The following ZDHHC14 variants were observed in gnomAD, a reference collection of about 807,000 sequenced individuals.
The protein encoded by ZDHHC14 is palmitoyltransferase ZDHHC14.
ZDHHC14 carries 16 observed loss-of-function variants against 47.7 expected under a neutral mutation model. That is an observed-to-expected ratio of 0.34 (90% CI 0.23 to 0.51). The LOEUF (loss-of-function observed/expected upper bound fraction) is 0.51, where lower values mean the gene tolerates loss of function less well. ZDHHC14 is among the 20% of genes least tolerant of loss of function. ZDHHC14 has a pLI of 0.97. For missense variants in ZDHHC14, 515 were observed against 662.5 expected (o/e 0.78, Z 2.44); for synonymous variants, 293 against 278.9 (o/e 1.05, Z -0.50).
intron 1 of ZDHHC14, among the ~76,000 whole-genome samples, chr6:157,403,788 G>T (rs1299254777): frequency 6.6e-6 from 1 of 152,198 alleles, no homozygotes; most frequent in Admixed American, 6.5e-5. Flanking sequence ...TAACATAGAC[G>T]CTGCCACCCA....
At chr6:157,632,769 TGA>T in intron 4 of ZDHHC14, 63 bp from the exon 5 acceptor site, 1 of 1,443,780 alleles carries the variant, frequency 6.9e-7, no homozygotes, top group Non-Finnish European at 9.8e-7. Context: ...TTTTTGTAGA[TGA>T]GAGAGCATTC....
chr6:157,382,293 C>A (rs771694281), intron 1 of ZDHHC14, 27 bp downstream of exon 1: 2 of 1,609,638 alleles, frequency 1.2e-6, no homozygotes, highest in East Asian at 2.3e-5. Flanking sequence ...GCTCCCCCGA[C>A]GCCGCACTCC....
chr6:157,460,550 G>C (rs1006831601), intron 1 of ZDHHC14, among the ~76,000 whole-genome samples: 10 of 151,772 alleles, frequency 6.6e-5, no homozygotes, highest in Non-Finnish European at 1.3e-4. Flanking sequence ...GAAGCTCGCT[G>C]CCTGAGTAAT....
intron 1 of ZDHHC14, among the ~76,000 whole-genome samples, chr6:157,467,515 TTTTATTTATTTATTTATTTA>T (rs139585882): frequency 2.2e-4 from 30 of 136,334 alleles, no homozygotes; most frequent in South Asian, 5.1e-4. Context: ...TCATTCCTCA[TTTTATTTATTTATTTATTTA>T]TTTATTTATT....
chr6:157,565,881 C>G (rs1370437011), intron 2 of ZDHHC14, among the ~76,000 whole-genome samples: 1 of 151,942 alleles, frequency 6.6e-6, no homozygotes, highest in Non-Finnish European at 1.5e-5. Flanking sequence ...GAACCTCTCT[C>G]TCCAGCCCCC....
At position 157,427,066 on chromosome 6, in the gene ZDHHC14, G is replaced by T. The variant is rs956513271; in HGVS notation, c.245+44800G>T. ...AGGAGGAGAGGCACGGTGCGAGCTG[G>T]GGTGGCAGGGGAGCAAGGGCCCCAG... On this transcript the variant is annotated intron_variant, in intron 1 of 8. Coordinates refer to ENST00000359775, the MANE Select transcript of ZDHHC14 (RefSeq NM_024630.3). The surrounding 1 kb of genome is among the most constrained non-coding windows in gnomAD (Gnocchi z 4.4). Among the ~76,000 whole-genome samples the T allele has an allele frequency of 6.6e-6, 1 of 152,108 alleles. No individual in the cohort carries two copies. The highest frequency in any genetic ancestry group is 2.4e-5 in the African/African-American group (1 of 41,416).
chr6:157,613,448 G>C (rs1002609784), intron 3 of ZDHHC14, among the ~76,000 whole-genome samples: 5 of 152,172 alleles, frequency 3.3e-5, no homozygotes, highest in African/African-American at 1.2e-4. Flanking sequence ...GGAATAAAGC[G>C]TAATTAGAGT....
At chr6:157,385,912 C>T (rs1485266429) in intron 1 of ZDHHC14, among the ~76,000 whole-genome samples, 1 of 152,132 alleles carries the variant, frequency 6.6e-6, no homozygotes, top group African/African-American at 2.4e-5. Flanking sequence ...CTTAGTTTCC[C>T]AATCTGTAAA....
At chr6:157,529,854 C>T (rs1051851155) in intron 1 of ZDHHC14, among the ~76,000 whole-genome samples, 8 of 152,190 alleles carry the variant, frequency 5.3e-5, no homozygotes, top group Non-Finnish European at 1.0e-4. Flanking sequence ...ATGGCGGCCA[C>T]ATCTGATTGA....
At chr6:157,560,361 C>T (rs564705941) in intron 2 of ZDHHC14, among the ~76,000 whole-genome samples, 20 of 152,324 alleles carry the variant, frequency 1.3e-4, no homozygotes, top group Admixed American at 5.2e-4. Context: ...CCAACCACCA[C>T]GTCCTCGTGA....
chr6:157,570,118 T>G (rs2114855270), intron 2 of ZDHHC14, among the ~76,000 whole-genome samples: 1 of 152,340 alleles, frequency 6.6e-6, no homozygotes, highest in Middle Eastern at 3.4e-3. Flanking sequence ...ATGCTAAAGA[T>G]AAAATCTTGC....
chr6:157,618,503 A>G (rs942877078), intron 3 of ZDHHC14, among the ~76,000 whole-genome samples: 12 of 151,922 alleles, frequency 7.9e-5, no homozygotes, highest in Non-Finnish European at 1.8e-4. Context: ...TGTATTTTTA[A>G]TACAGACGGG....
chr6:157,620,479 G>T (rs9331348), intron 3 of ZDHHC14, among the ~76,000 whole-genome samples: 76,671 of 152,164 alleles, frequency 0.5, 22,229 homozygotes, highest in East Asian at 0.87. Flanking sequence ...CTCCACAATC[G>T]GAACAATAAT....
intron 2 of ZDHHC14, among the ~76,000 whole-genome samples, chr6:157,550,182 A>G (rs1188979497): frequency 1.3e-5 from 2 of 152,208 alleles, no homozygotes; most frequent in Non-Finnish European, 2.9e-5. Flanking sequence ...GTGAATTCCT[A>G]AGTTCACATA....
intron 1 of ZDHHC14, among the ~76,000 whole-genome samples, chr6:157,460,215 A>G (rs1333000274): frequency 7.5e-6 from 1 of 133,318 alleles, no homozygotes; most frequent in Non-Finnish European, 1.7e-5. Flanking sequence ...AACAAAAACA[A>G]AAACAAAAAA....
chr6:157,485,032 G>A (rs1779744214), intron 1 of ZDHHC14, among the ~76,000 whole-genome samples: 1 of 152,174 alleles, frequency 6.6e-6, no homozygotes, highest in Admixed American at 6.5e-5. Flanking sequence ...GGGAGGCAGA[G>A]GTTGACATGA....
At chr6:157,628,610 C>A in intron 4 of ZDHHC14, 124 bp downstream of exon 4, 3 of 1,280,420 alleles carry the variant, frequency 2.3e-6, no homozygotes, top group Non-Finnish European at 3.2e-6. Flanking sequence ...TTCTCCCTTT[C>A]CCCTCCTCAC....
At chr6:157,445,120 A>ACACG (rs1302587303) in intron 1 of ZDHHC14, among the ~76,000 whole-genome samples, 2 of 145,676 alleles carry the variant, frequency 1.4e-5, no homozygotes, top group African/African-American at 5.1e-5. Flanking sequence ...ACACACACAC[A>ACACG]CACACACACA....
intron 1 of ZDHHC14, among the ~76,000 whole-genome samples, chr6:157,518,745 A>G (rs933806883): frequency 1.3e-5 from 2 of 151,010 alleles, no homozygotes; most frequent in Non-Finnish European, 2.9e-5. Flanking sequence ...TCCCTCCTGG[A>G]ACCTTGGATT....
Sources: allele counts gnomAD v4.1 joint callset (sites outside exome capture counted in the v4.1 genomes callset), GRCh38; gene constraint gnomAD v4.1.1; non-coding constraint Gnocchi (gnomAD v3.1); transcripts MANE v1.5; gene names NCBI Gene and HGNC (gene_info 2026-07-23, HGNC 2026-07-21).